The following MNAT1 variants were observed in gnomAD, a reference collection of about 807,000 sequenced individuals.
MNAT1 encodes the protein MNAT1 component of CDK activating kinase, also known as CDK-activating kinase assembly factor MAT1.
MNAT1 carries 43 observed loss-of-function variants against 42.0 expected under a neutral mutation model. That is an observed-to-expected ratio of 1.02 (90% confidence interval 0.80 to 1.32). The LOEUF (loss-of-function observed/expected upper bound fraction) is 1.32, where lower values mean the gene tolerates loss of function less well. MNAT1 is among the 40% of genes most tolerant of loss of function. The pLI is 0.00. For missense variants in MNAT1, 306 were observed against 350.4 expected, an observed-to-expected ratio of 0.87 and a Z score of 1.01; for synonymous variants, 118 against 120.0, an observed-to-expected ratio of 0.98 and a Z score of 0.11.
At chr14:60,736,936 T>C (rs1400800014) in intron 1 of MNAT1, among the ~76,000 whole-genome samples, 1 of 152,194 alleles carries the variant, frequency 6.6e-6, no homozygotes, top group African/African-American at 2.4e-5. Context: ...AAACAGGACT[T>C]ATTTGGCCTG....
At chr14:60,790,784 C>T (rs1318278392) in intron 1 of MNAT1, among the ~76,000 whole-genome samples, 2 of 152,136 alleles carry the variant, frequency 1.3e-5, no homozygotes, top group Non-Finnish European at 2.9e-5. Flanking sequence ...TATTTGACTT[C>T]TCCATGCTTA....
At chr14:60,874,673 CTTATAA>C (rs922724747) in intron 6 of MNAT1, among the ~76,000 whole-genome samples, 6 of 152,154 alleles carry the variant, frequency 3.9e-5, no homozygotes, top group African/African-American at 1.4e-4. Context: ...TCAAATATAA[CTTATAA>C]TTAGTATATC....
At chr14:60,763,042 AT>A (rs1213863528) in intron 1 of MNAT1, among the ~76,000 whole-genome samples, 3 of 152,026 alleles carry the variant, frequency 2.0e-5, no homozygotes, top group Non-Finnish European at 4.4e-5. Context: ...AAAAGAATAT[AT>A]TTTTCTTTTA....
intron 7 of MNAT1, among the ~76,000 whole-genome samples, chr14:60,928,629 C>T (rs565780447): frequency 1.5e-4 from 23 of 152,152 alleles, no homozygotes; most frequent in African/African-American, 5.3e-4. Context: ...TATTACCCAT[C>T]CATATATCTT....
intron 7 of MNAT1, among the ~76,000 whole-genome samples, chr14:60,953,915 G>C (rs1306689922): frequency 3.3e-5 from 5 of 152,046 alleles, no homozygotes; most frequent in Admixed American, 3.3e-4. Context: ...TTGGCCATTT[G>C]TATGTCTTCC....
chr14:60,830,106 G>C (rs1383178972), intron 6 of MNAT1, among the ~76,000 whole-genome samples: 1 of 152,148 alleles, frequency 6.6e-6, no homozygotes. Context: ...ATGAGGAGTG[G>C]AGTATGGAAG....
At chr14:60,741,205 C>T (rs773799098) in intron 1 of MNAT1, among the ~76,000 whole-genome samples, 13 of 151,976 alleles carry the variant, frequency 8.6e-5, no homozygotes, top group African/African-American at 1.7e-4. Context: ...TGCATTTTTC[C>T]GTTCATTTAC....
chr14:60,829,532 C>T (rs1440730840), intron 6 of MNAT1, among the ~76,000 whole-genome samples: 1 of 152,048 alleles, frequency 6.6e-6, no homozygotes, highest in Non-Finnish European at 1.5e-5. Flanking sequence ...AAACTGTTGG[C>T]TTCAGAATTT....
intron 1 of MNAT1, among the ~76,000 whole-genome samples, chr14:60,789,084 T>G (rs1373595536): frequency 1.3e-5 from 2 of 152,134 alleles, no homozygotes; most frequent in Non-Finnish European, 2.9e-5. Context: ...TGATTTAAAG[T>G]GAGAAACCTG....
At chr14:60,840,820 T>A (rs912492323) in intron 6 of MNAT1, among the ~76,000 whole-genome samples, 1 of 152,046 alleles carries the variant, frequency 6.6e-6, no homozygotes, top group East Asian at 1.9e-4. Flanking sequence ...TGTGCCACCA[T>A]ACCCGGCTAA....
At chr14:60,800,126 T>C (rs1342053471) in intron 3 of MNAT1, among the ~76,000 whole-genome samples, 3 of 152,198 alleles carry the variant, frequency 2.0e-5, no homozygotes, top group South Asian at 2.1e-4. Context: ...ATTGTAGTTA[T>C]GTAGTTATGT....
intron 5 of MNAT1, among the ~76,000 whole-genome samples, chr14:60,817,022 A>G (rs908549186): frequency 2.0e-5 from 3 of 151,942 alleles, no homozygotes; most frequent in African/African-American, 7.2e-5. Context: ...CGTTGCTTTT[A>G]TGTAAGAATT....
intron 5 of MNAT1, among the ~76,000 whole-genome samples, chr14:60,813,856 A>G (rs1211172296): frequency 6.6e-6 from 1 of 152,170 alleles, no homozygotes; most frequent in Non-Finnish European, 1.5e-5. Context: ...TTCCTAGATA[A>G]GAGTATTGTT....
intron 6 of MNAT1, among the ~76,000 whole-genome samples, chr14:60,828,462 T>C (rs2033117045): frequency 6.6e-6 from 1 of 152,040 alleles, no homozygotes; most frequent in South Asian, 2.1e-4. Context: ...TCCTATATAG[T>C]AGGAAAAAAA....
At chr14:60,825,394 TTA>T (rs2033025265) in intron 6 of MNAT1, among the ~76,000 whole-genome samples, 1 of 152,182 alleles carries the variant, frequency 6.6e-6, no homozygotes, top group African/African-American at 2.4e-5. Context: ...TTAAGTATTT[TTA>T]TAGTCTTTAG....
At chr14:60,749,363 G>T (rs892853267) in intron 1 of MNAT1, among the ~76,000 whole-genome samples, 3 of 152,072 alleles carry the variant, frequency 2.0e-5, no homozygotes, top group African/African-American at 4.8e-5. Flanking sequence ...TTCCTTTAGG[G>T]ATACAAATAC....
intron 1 of MNAT1, among the ~76,000 whole-genome samples, chr14:60,780,806 T>C (rs1200985006): frequency 2.6e-5 from 4 of 152,206 alleles, no homozygotes; most frequent in Non-Finnish European, 5.9e-5. Flanking sequence ...TTATTGTGCA[T>C]TATTCAAAAG....
chr14:60,857,649 T>A (rs2139428058), intron 6 of MNAT1, among the ~76,000 whole-genome samples: 1 of 152,320 alleles, frequency 6.6e-6, no homozygotes, highest in East Asian at 1.9e-4. Flanking sequence ...TAGGTATACA[T>A]GTGCCATGTT....
chr14:60,811,305 T>C lies in MNAT1; in HGVS notation c.421-682T>C, dbSNP rs866526156. ...CTCTTATTTCTATTCTTTCTTTTTTTTTTTTTTTTTTTTTTGAGATGGAAC... is the reference window on the plus strand; with the variant it reads ...CTCTTATTTCTATTCTTTCTTTTTTCTTTTTTTTTTTTTTTGAGATGGAAC... On this transcript the variant is annotated intron_variant, in intron 4 of 7. Transcript: ENST00000261245. 7.2e-3 allele frequency among the ~76,000 whole-genome samples: 1,040 copies of C among 143,824 alleles called. 10 individuals are homozygous for C. Among genetic ancestry groups the C allele is most frequent in the African/African-American group, 0.025 (962 of 39,172 alleles). The allele number at this position is 143,824 out of a possible 152,430, so 94.4% of individuals were successfully genotyped here.
Sources: gnomAD v4.1 joint callset for allele counts (sites outside exome capture counted in the v4.1 genomes callset) on GRCh38, gnomAD v4.1.1 for gene constraint, MANE v1.5 for transcripts, NCBI Gene and HGNC (gene_info 2026-07-23, HGNC 2026-07-21) for gene names.